Variants in KATNAL1 observed in about 807,000 individuals in gnomAD.
The protein encoded by KATNAL1 is katanin p60 ATPase-containing subunit A-like 1.
KATNAL1 carries 32 observed loss-of-function variants against 55.2 expected under a neutral mutation model. That is an observed-to-expected ratio of 0.58 (90% CI 0.44 to 0.78). The LOEUF (loss-of-function observed/expected upper bound fraction) is 0.78, where lower values mean the gene tolerates loss of function less well. KATNAL1 is among the 30% of genes least tolerant of loss of function. The probability of loss-of-function intolerance (pLI) is 0.00; values close to 1 mark genes in which losing one functional copy is unlikely to be tolerated. For missense variants in KATNAL1, 466 were observed against 600.9 expected (o/e 0.78, Z 2.35); for synonymous variants, 193 against 193.6 (o/e 1.00, Z 0.02).
At chr13:30,239,109 C>T (rs1475585122) in intron 6 of KATNAL1, among the ~76,000 whole-genome samples, 1 of 152,032 alleles carries the variant, frequency 6.6e-6, no homozygotes, top group Non-Finnish European at 1.5e-5. Flanking sequence ...TTCATGTATT[C>T]TTTAAAATAC....
intron 9 of KATNAL1, among the ~76,000 whole-genome samples, chr13:30,213,212 G>A (rs1366449195): frequency 6.6e-6 from 1 of 152,062 alleles, no homozygotes; most frequent in Non-Finnish European, 1.5e-5. Context: ...ACCCTCCCAA[G>A]ACTAAACCAG....
chr13:30,251,506 C>T (rs1024009752), intron 4 of KATNAL1, among the ~76,000 whole-genome samples: 1 of 152,084 alleles, frequency 6.6e-6, no homozygotes, highest in Non-Finnish European at 1.5e-5. Context: ...AGCCTGTTGG[C>T]CCCTTCCATC....
At chr13:30,290,952 C>T (rs760761684) in intron 1 of KATNAL1, among the ~76,000 whole-genome samples, 2 of 152,138 alleles carry the variant, frequency 1.3e-5, no homozygotes, top group Admixed American at 6.5e-5. Context: ...AGGCAATTTA[C>T]TCAACCGAGT....
Position 30,227,464 on chromosome 13 carries a change from A to G in KATNAL1, c.1095T>C (p.Asp365=), listed in dbSNP as rs190845442. The change falls in exon 9 of 11, where the codon GAT becomes GAC. Residue 365 remains aspartate, a synonymous_variant. Transcript: ENST00000380615. The part of the protein sequence containing the change: ...LAATNFPWDI[D]EALRRRLEKR... ...TTTCTAACCTTCTTCGCAAAGCTTC[A>G]TCAATGTCCCACGGGAAATTAGTAG... 51 of 1,614,022 alleles carry G rather than the reference A, an allele frequency of 3.2e-5. No homozygotes were observed. The highest frequency in any genetic ancestry group is 3.3e-4 in the Middle Eastern group (2 of 6,060).
chr13:30,255,597 C>T lies in KATNAL1; in HGVS notation c.342G>A (p.Arg114=). The change falls in exon 4 of 11, where the codon AGG becomes AGA. Residue 114 remains arginine (R), a synonymous_variant. Transcript: ENST00000380615. ...PAEHRAPPQI[R]RPNREVRPLR... Reference sequence around the variant, plus strand: ...GAGGTCTTACTTCTCGATTGGGACGCCTGATCTGAGGTGGAGCTCTGACAA... The same window carrying T: ...GAGGTCTTACTTCTCGATTGGGACGTCTGATCTGAGGTGGAGCTCTGACAA... 1 of 1,522,062 alleles carries T rather than the reference C, an allele frequency of 6.6e-7. No individual in the cohort carries two copies. The highest frequency in any genetic ancestry group is 8.8e-7 in the Non-Finnish European group (1 of 1,137,394). The allele number at this position is 1,522,062 out of a possible 1,614,324, so 94.3% of individuals were successfully genotyped here. A position where few individuals can be genotyped will look rare whatever the true frequency, so the allele number is the denominator to read the frequency against.
rs187282018 is a variant in KATNAL1 at position 30,287,926 on chromosome 13, C to T, written c.-14-4135G>A. ...CAAAATGAAGGATATTATATAACTA[C>T]TTATATAATGAGACAAAAAATTCCA... On this transcript the variant is annotated intron_variant, in intron 1 of 10. Transcript: ENST00000380615. Among the ~76,000 whole-genome samples, 643 of 152,214 alleles carry T rather than the reference C, an allele frequency of 4.2e-3. 10 individuals carry two copies. Among genetic ancestry groups the T allele is most frequent in the Non-Finnish European group, 2.2e-3 (149 of 68,008 alleles).
intron 9 of KATNAL1, among the ~76,000 whole-genome samples, chr13:30,215,804 T>A (rs1251113259): frequency 6.6e-6 from 1 of 152,034 alleles, no homozygotes; most frequent in Admixed American, 6.6e-5. Flanking sequence ...AGGGATAGCA[T>A]TAGAAGATAC....
At chr13:30,213,021 G>T (rs1474483107) in intron 9 of KATNAL1, among the ~76,000 whole-genome samples, 3 of 152,126 alleles carry the variant, frequency 2.0e-5, no homozygotes, top group Non-Finnish European at 4.4e-5. Context: ...GGACAAGATG[G>T]CCACCTATAG....
chr13:30,266,012 CAA>C (rs776557665), intron 3 of KATNAL1, among the ~76,000 whole-genome samples: 114 of 35,370 alleles, frequency 3.2e-3, no homozygotes, highest in Middle Eastern at 0.019. Flanking sequence ...AACTCCATCT[CAA>C]AAAAAAAAAA....
chr13:30,269,784 G>A (rs1214100859), intron 3 of KATNAL1, among the ~76,000 whole-genome samples: 1 of 146,776 alleles, frequency 6.8e-6, no homozygotes, highest in Non-Finnish European at 1.5e-5. Flanking sequence ...GAAGTGAGGA[G>A]CCCCTCCGCC....
At chr13:30,266,160 G>A (rs989117773) in intron 3 of KATNAL1, among the ~76,000 whole-genome samples, 1 of 151,908 alleles carries the variant, frequency 6.6e-6, no homozygotes, top group Non-Finnish European at 1.5e-5. Flanking sequence ...GTGCCACTAT[G>A]CCCAGCTAAT....
chr13:30,258,414 C>T (rs1041585331), intron 3 of KATNAL1, among the ~76,000 whole-genome samples: 1 of 152,086 alleles, frequency 6.6e-6, no homozygotes, highest in African/African-American at 2.4e-5. Context: ...AATATCTTCT[C>T]CCAGTGTGTG....
intron 9 of KATNAL1, among the ~76,000 whole-genome samples, chr13:30,226,667 G>C (rs1008619598): frequency 2.6e-5 from 4 of 152,146 alleles, no homozygotes; most frequent in African/African-American, 9.7e-5. Flanking sequence ...CAGGTGTACA[G>C]ATTTGTACTC....
At position 30,233,561 on chromosome 13, in the gene KATNAL1, C is replaced by G. The variant is rs569030454; in HGVS notation, c.727-2089G>C. 4.0e-5 allele frequency among the ~76,000 whole-genome samples: 6 copies of G among 151,236 alleles called. No homozygotes were observed. The South Asian group carries it at 1.3e-3, about 32-fold the overall frequency. ...CCTCAAAAAACTAAAAGCAGATCTA[C>G]CATATGATCCAGCAATTCCACTACC... On this transcript the variant is annotated intron_variant, in intron 6 of 10. Coordinates refer to ENST00000380615, the MANE Select transcript of KATNAL1 (RefSeq NM_032116.5).
At chr13:30,230,407 A>G (rs1389597184) in intron 8 of KATNAL1, 61 bp downstream of exon 8, 1 of 1,483,436 alleles carries the variant, frequency 6.7e-7, no homozygotes, top group Non-Finnish European at 9.2e-7. Flanking sequence ...TCCATTGATT[A>G]TGAGTTTACA....
At chr13:30,265,894 C>T (rs1470287478) in intron 3 of KATNAL1, among the ~76,000 whole-genome samples, 1 of 151,124 alleles carries the variant, frequency 6.6e-6, no homozygotes, top group African/African-American at 2.4e-5. Context: ...TGCCTATAAT[C>T]CCAGCTACTT....
chr13:30,214,066 T>G (rs1873961022), intron 9 of KATNAL1, among the ~76,000 whole-genome samples: 1 of 152,188 alleles, frequency 6.6e-6, no homozygotes, highest in Non-Finnish European at 1.5e-5. Context: ...GATAAGCAAC[T>G]TCAGCAAAGT....
At chr13:30,284,401 A>T (rs1555266866) in intron 1 of KATNAL1, among the ~76,000 whole-genome samples, 1 of 151,618 alleles carries the variant, frequency 6.6e-6, no homozygotes, top group Non-Finnish European at 1.5e-5. Context: ...AACAGATGAA[A>T]TTTTTTTTTA....
intron 6 of KATNAL1, among the ~76,000 whole-genome samples, chr13:30,236,975 G>A (rs117664685): frequency 3.0e-4 from 46 of 152,204 alleles, no homozygotes; most frequent in Non-Finnish European, 3.5e-4. Context: ...TGCTCTGGGA[G>A]GCCATCCCTG....
Sources: gnomAD v4.1 joint callset for allele counts (sites outside exome capture counted in the v4.1 genomes callset) on GRCh38, gnomAD v4.1.1 for gene constraint, MANE v1.5 for transcripts, NCBI Gene and HGNC (gene_info 2026-07-23, HGNC 2026-07-21) for gene names.